The following PEAK1 variants were observed in gnomAD, a reference collection of about 807,000 sequenced individuals.
The protein encoded by PEAK1 is inactive tyrosine-protein kinase PEAK1.
PEAK1 carries 54 observed loss-of-function variants against 124.7 expected under a neutral mutation model. The ratio of observed to expected loss-of-function variants is 0.43; its 90% CI spans 0.35 to 0.54. PEAK1 has a LOEUF of 0.54. Among genes scored for constraint, PEAK1 ranks in the 20% least tolerant of loss-of-function variants. PEAK1 has a pLI of 0.01. For missense variants in PEAK1, 2,046 were observed against 2,134.5 expected (o/e 0.96, Z 0.82); for synonymous variants, 719 against 760.0 (o/e 0.95, Z 0.89).
At chr15:77,175,883 G>C (rs1321201126) in intron 7 of PEAK1, among the ~76,000 whole-genome samples, 1 of 152,210 alleles carries the variant, frequency 6.6e-6, no homozygotes, top group African/African-American at 2.4e-5. Context: ...ACTGGATTAA[G>C]AAAATGTGGC....
At chr15:77,389,806 G>A (rs1294908782) in intron 1 of PEAK1, among the ~76,000 whole-genome samples, 1 of 152,088 alleles carries the variant, frequency 6.6e-6, no homozygotes. Flanking sequence ...GTATACCCTA[G>A]AAGGTAGTAA....
intron 2 of PEAK1, chr15:77,348,906 T>G: frequency 7.4e-6 from 7 of 948,256 alleles, no homozygotes; most frequent in Non-Finnish European, 8.8e-6. Flanking sequence ...CCTCGCAAAG[T>G]GCTGGGATTA....
At chr15:77,156,118 G>C (rs1332784587) in intron 8 of PEAK1, 1 of 153,264 alleles carries the variant, frequency 6.5e-6, no homozygotes, top group East Asian at 1.9e-4. Context: ...TACAGAGGCA[G>C]GCAGGCCCCC....
intron 6 of PEAK1, among the ~76,000 whole-genome samples, chr15:77,211,341 CAAAT>C (rs2058894163): frequency 6.6e-6 from 1 of 151,964 alleles, no homozygotes; most frequent in South Asian, 2.1e-4. Context: ...TAAGTTTACA[CAAAT>C]AAAGGAATAC....
At chr15:77,105,983 C>G (rs571514961), downstream of PEAK1, 3 of 152,332 alleles carry the variant, frequency 2.0e-5, no homozygotes, top group African/African-American at 7.2e-5. Context: ...TATCTCCAGG[C>G]TCTCCAGTTA....
chr15:77,222,458 T>TTA (rs1174565898), intron 6 of PEAK1, among the ~76,000 whole-genome samples: 15 of 152,052 alleles, frequency 9.9e-5, no homozygotes, highest in African/African-American at 3.6e-4. Context: ...CCCAATGATC[T>TTA]TATGCATTTT....
chr15:77,271,743 G>A (rs1175684502), intron 5 of PEAK1, among the ~76,000 whole-genome samples: 1 of 152,128 alleles, frequency 6.6e-6, no homozygotes, highest in Non-Finnish European at 1.5e-5. Context: ...AGAACACTTG[G>A]ACACAGGAAG....
At chr15:77,147,914 C>T (rs2054287674) in intron 8 of PEAK1, among the ~76,000 whole-genome samples, 1 of 152,200 alleles carries the variant, frequency 6.6e-6, no homozygotes, top group Non-Finnish European at 1.5e-5. Context: ...GCAGTAGCTA[C>T]TATCTACATG....
chr15:77,201,543 C>T (rs1417122383), intron 6 of PEAK1, among the ~76,000 whole-genome samples: 2 of 151,962 alleles, frequency 1.3e-5, no homozygotes, highest in African/African-American at 4.8e-5. Flanking sequence ...TGGCCCAAGC[C>T]TTTGTGTCTT....
Position 77,399,082 on chromosome 15 carries a change from A to G in PEAK1, c.-666+20924T>C, listed in dbSNP as rs181076016. Among the ~76,000 whole-genome samples the G allele has an allele frequency of 1.2e-4, 19 of 152,350 alleles. No homozygotes were observed. The East Asian group carries it at 3.5e-3, about 28-fold the overall frequency. Reference sequence around the variant, plus strand: ...GCGAAAGATCCTTACAATGAAAACTATAAAACATTGATGAAATAAGTGGAA... The same window carrying G: ...GCGAAAGATCCTTACAATGAAAACTGTAAAACATTGATGAAATAAGTGGAA... On this transcript the variant is annotated intron_variant, in intron 1 of 9. Transcript: ENST00000682557.
intron 2 of PEAK1, among the ~76,000 whole-genome samples, chr15:77,342,931 CAT>C (rs1174330181): frequency 2.6e-5 from 4 of 152,164 alleles, no homozygotes; most frequent in South Asian, 4.1e-4. Context: ...CGGGTGTGTA[CAT>C]ATGTCTTTGA....
intron 5 of PEAK1, among the ~76,000 whole-genome samples, chr15:77,255,134 G>GA (rs1286566864): frequency 6.6e-6 from 1 of 152,106 alleles, no homozygotes; most frequent in Non-Finnish European, 1.5e-5. Context: ...AATGCTCCTA[G>GA]AAAAAATGTT....
rs538741323 is a variant in PEAK1, at chr15:77,397,879, G to C, written c.-666+22127C>G. Among the ~76,000 whole-genome samples the C allele has an allele frequency of 1.3e-4, 19 of 151,988 alleles. 2 individuals carry two copies. In the East Asian group the frequency reaches 3.3e-3, roughly 26 times the overall value. On this transcript the variant is annotated intron_variant, in intron 1 of 9. Coordinates refer to ENST00000682557, the MANE Select transcript of PEAK1 (RefSeq NM_001385026.1). ...GTTTGAGACCAGCCTGACCAACATGGACAAACCCCGTCTCTACTAAAAATA... is the reference window on the plus strand; with the variant it reads ...GTTTGAGACCAGCCTGACCAACATGCACAAACCCCGTCTCTACTAAAAATA...
chr15:77,380,725 C>T (rs754118918), intron 1 of PEAK1, among the ~76,000 whole-genome samples: 10 of 152,198 alleles, frequency 6.6e-5, no homozygotes, highest in Non-Finnish European at 1.5e-4. Flanking sequence ...GTGATCCATC[C>T]ACCTCAGCCT....
intron 6 of PEAK1, among the ~76,000 whole-genome samples, chr15:77,204,213 A>C (rs1382213524): frequency 6.6e-6 from 1 of 152,200 alleles, no homozygotes; most frequent in African/African-American, 2.4e-5. Flanking sequence ...CTACACACCT[A>C]TTAGAATGTA....
intron 2 of PEAK1, among the ~76,000 whole-genome samples, chr15:77,298,460 T>C (rs1027998564): frequency 4.0e-5 from 6 of 151,444 alleles, no homozygotes; most frequent in Non-Finnish European, 5.9e-5. Flanking sequence ...CCTCATGATC[T>C]GCCCGCCTCT....
At chr15:77,298,957 T>C (rs746194962) in intron 2 of PEAK1, among the ~76,000 whole-genome samples, 41 of 152,126 alleles carry the variant, frequency 2.7e-4, no homozygotes, top group African/African-American at 6.8e-4. Flanking sequence ...CTCTTGTGGG[T>C]ACAAAGTGGT....
chr15:77,406,402 T>C (rs2142059456), intron 1 of PEAK1, among the ~76,000 whole-genome samples: 1 of 152,230 alleles, frequency 6.6e-6, no homozygotes. Context: ...TCCAAAAAGC[T>C]CCTAGGTCTG....
intron 5 of PEAK1, among the ~76,000 whole-genome samples, chr15:77,277,835 G>C (rs1024890236): frequency 2.0e-5 from 3 of 152,166 alleles, no homozygotes; most frequent in African/African-American, 7.2e-5. Flanking sequence ...GGTTCAGTGG[G>C]TTGCCAGGGG....
Sources: allele counts gnomAD v4.1 joint callset (sites outside exome capture counted in the v4.1 genomes callset), GRCh38; gene constraint gnomAD v4.1.1; transcripts MANE v1.5; gene names NCBI Gene and HGNC (gene_info 2026-07-23, HGNC 2026-07-21).